Variants in CENPP observed in about 807,000 individuals in gnomAD.
CENPP encodes centromere protein P.
CENPP carries 24 observed loss-of-function variants against 35.6 expected under a neutral mutation model. The observed-to-expected ratio is 0.67, with a 90% CI of 0.49 to 0.95. CENPP has a LOEUF of 0.95. Ranked by LOEUF, CENPP falls within the 40% of genes least tolerant of loss-of-function variation. The pLI is 0.00. For synonymous variants in CENPP, 120 were observed against 125.5 expected, an observed-to-expected ratio of 0.96 and a Z score of 0.29; for missense variants, 332 against 345.3, an observed-to-expected ratio of 0.96 and a Z score of 0.31.
intron 5 of CENPP, among the ~76,000 whole-genome samples, chr9:92,550,194 G>A (rs891945441): frequency 2.6e-5 from 4 of 152,122 alleles, no homozygotes; most frequent in South Asian, 4.1e-4. Context: ...TCAGGAGATC[G>A]AGACCATCCT....
intron 5 of CENPP, chr9:92,536,759 A>C (rs905532881): frequency 6.6e-6 from 1 of 152,224 alleles, no homozygotes; most frequent in African/African-American, 2.4e-5. Context: ...CTCTTCTGTA[A>C]AACTAGGGTG....
chr9:92,564,700 A>C (rs1286230212), intron 5 of CENPP, among the ~76,000 whole-genome samples: 2 of 152,218 alleles, frequency 1.3e-5, no homozygotes, highest in Non-Finnish European at 2.9e-5. Context: ...TGTGAATGGT[A>C]CTGAAGCCAC....
intron 5 of CENPP, chr9:92,385,779 T>A: frequency 1.2e-6 from 2 of 1,614,098 alleles, no homozygotes; most frequent in Non-Finnish European, 8.5e-7. Context: ...TAATTGAAGC[T>A]ATGTTGTTGA....
intron 5 of CENPP, among the ~76,000 whole-genome samples, chr9:92,519,112 A>G (rs1393113649): frequency 6.6e-6 from 1 of 152,094 alleles, no homozygotes; most frequent in Non-Finnish European, 1.5e-5. Flanking sequence ...AGCCTCTCAC[A>G]TTAGTCCCCT....
At chr9:92,604,384 G>A (rs1851014138) in intron 5 of CENPP, among the ~76,000 whole-genome samples, 1 of 152,036 alleles carries the variant, frequency 6.6e-6, no homozygotes, top group Non-Finnish European at 1.5e-5. Context: ...TTTAAAATTG[G>A]GTTATTTATC....
chr9:92,462,947 A>C (rs1845172175), intron 5 of CENPP, among the ~76,000 whole-genome samples: 1 of 152,206 alleles, frequency 6.6e-6, no homozygotes, highest in South Asian at 2.1e-4. Context: ...AATCTCTGGG[A>C]GAGGACTTGT....
Position 92,567,383 on chromosome 9 carries a change from T to TATATATATATATATATATATATAG in CENPP, c.565-43918_565-43917insTATATATATAGATATATATATATA. ...CAGTTACATAAGATAGATATATATATATATATATATATAGATATATATATA... is the reference window on the plus strand; with the variant it reads ...CAGTTACATAAGATAGATATATATATATATATATATATATATATATATAGATATATATATATAGATATATATATA... On this transcript the variant is annotated intron_variant, in intron 5 of 7. Coordinates refer to ENST00000375587, the MANE Select transcript of CENPP (RefSeq NM_001012267.3). Among the ~76,000 whole-genome samples the TATATATATATATATATATATATAG allele has an allele frequency of 3.2e-5, 3 of 94,622 alleles. No individual in the cohort carries two copies. The South Asian group carries it at 8.2e-4, about 26-fold the overall frequency. 62.1% of individuals were successfully genotyped at this position (94,622 alleles called of 152,430 possible).
rs118095568 is a variant in CENPP at position 92,489,053 on chromosome 9, A to G, written c.564+109194A>G. Reference sequence around the variant, plus strand: ...TATGATTTAGTTGTATCACCACTAAAGTTTACTTACTGAGTTTAGAACATT... The same window carrying G: ...TATGATTTAGTTGTATCACCACTAAGGTTTACTTACTGAGTTTAGAACATT... On this transcript the variant is annotated intron_variant, in intron 5 of 7. Transcript: ENST00000375587. Among the ~76,000 whole-genome samples, 760 of 152,342 alleles carry G rather than the reference A, an allele frequency of 5.0e-3. 2 individuals are homozygous for G. The highest frequency in any genetic ancestry group is 7.7e-3 in the Non-Finnish European group (522 of 68,026).
At chr9:92,501,051 T>C in intron 5 of CENPP, 1 of 1,609,994 alleles carries the variant, frequency 6.2e-7, no homozygotes, top group Non-Finnish European at 8.5e-7. Flanking sequence ...GGATTCTAGA[T>C]TTCTGCAGCA....
chr9:92,501,673 C>T (rs1294492809), intron 5 of CENPP, among the ~76,000 whole-genome samples: 1 of 152,202 alleles, frequency 6.6e-6, no homozygotes, highest in East Asian at 1.9e-4. Context: ...GCCCTCTTTT[C>T]ACCTGATGAA....
chr9:92,480,436 T>C (rs1845873563), intron 5 of CENPP, among the ~76,000 whole-genome samples: 1 of 152,216 alleles, frequency 6.6e-6, no homozygotes, highest in Admixed American at 6.5e-5. Context: ...TGCACTAGAC[T>C]GCATGTCCTC....
At chr9:92,348,222 G>T (rs1324135862) in intron 4 of CENPP, among the ~76,000 whole-genome samples, 1 of 150,850 alleles carries the variant, frequency 6.6e-6, no homozygotes, top group Non-Finnish European at 1.5e-5. Context: ...GCCTCCCAAA[G>T]TGCCAGGATT....
chr9:92,575,204 A>G (rs1392465087), intron 5 of CENPP, among the ~76,000 whole-genome samples: 2 of 152,232 alleles, frequency 1.3e-5, no homozygotes, highest in Non-Finnish European at 2.9e-5. Context: ...GAAGAGACAG[A>G]TTGGACTTAG....
chr9:92,477,779 C>T (rs773621350), intron 5 of CENPP, among the ~76,000 whole-genome samples: 16 of 151,988 alleles, frequency 1.1e-4, no homozygotes, highest in African/African-American at 3.1e-4. Flanking sequence ...TCAGGTAATA[C>T]GAGATCGTAA....
At chr9:92,392,514 C>T (rs942729147) in intron 5 of CENPP, among the ~76,000 whole-genome samples, 1 of 151,720 alleles carries the variant, frequency 6.6e-6, no homozygotes, top group African/African-American at 2.4e-5. Flanking sequence ...ACGTGAGAGG[C>T]TGAGACAGGA....
chr9:92,542,765 G>T (rs1849345160), intron 5 of CENPP, among the ~76,000 whole-genome samples: 1 of 152,140 alleles, frequency 6.6e-6, no homozygotes, highest in Non-Finnish European at 1.5e-5. Context: ...ACCGGCCTCG[G>T]CCTCCCAAAG....
At chr9:92,496,203 G>A (rs1016034779) in intron 5 of CENPP, 56 of 1,437,994 alleles carry the variant, frequency 3.9e-5, no homozygotes, top group Middle Eastern at 2.6e-4. Context: ...AGGTTGACTA[G>A]CATATAATGA....
Position 92,613,204 on chromosome 9 carries a change from T to A in CENPP, c.*55T>A. ...ATGCTGCGTGGAGGAACATGCAATT[T>A]TATTCAATATAAACATTTGCTATTT... is the stretch of plus-strand genomic sequence containing the variant. On this transcript the variant is annotated 3_prime_UTR_variant, in exon 8 of 8. Transcript: ENST00000375587. The A allele has an allele frequency of 6.2e-7, 1 of 1,608,760 alleles. No individual in the cohort carries two copies. The highest frequency in any genetic ancestry group is 1.7e-5 in the Admixed American group (1 of 59,958).
intron 4 of CENPP, among the ~76,000 whole-genome samples, chr9:92,363,234 TACAC>T (rs34936128): frequency 1.9e-4 from 28 of 150,714 alleles, no homozygotes; most frequent in Admixed American, 4.0e-4. Flanking sequence ...TATACATATA[TACAC>T]ACACACACAC....
Sources: allele counts gnomAD v4.1 joint callset (sites outside exome capture counted in the v4.1 genomes callset), GRCh38; gene constraint gnomAD v4.1.1; transcripts MANE v1.5; gene names NCBI Gene and HGNC (gene_info 2026-07-23, HGNC 2026-07-21).